The following NCAM1 variants were observed in gnomAD, a reference collection of about 807,000 sequenced individuals.
NCAM1 encodes neural cell adhesion molecule 1, also known as antigen recognized by monoclonal antibody 5.1H11.
In NCAM1, 14 loss-of-function variants were observed where a neutral mutation model predicts 109.8. That is an observed-to-expected ratio of 0.13 (90% CI 0.08 to 0.20). NCAM1 has a LOEUF of 0.20. Ranked by LOEUF, NCAM1 falls within the 10% of genes least tolerant of loss-of-function variation. The pLI is 1.00. For synonymous variants in NCAM1, 418 were observed against 442.9 expected (o/e 0.94, Z 0.70); for missense variants, 774 against 1,109.9 (o/e 0.70, Z 4.30).
At position 113,233,175 on chromosome 11, in the gene NCAM1, G is replaced by T; in HGVS notation, c.1551G>T (p.Gln517His). The T allele has an allele frequency of 6.2e-7, 1 of 1,613,664 alleles. No individual in the cohort carries two copies. Among genetic ancestry groups the T allele is most frequent in the South Asian group, 1.1e-5 (1 of 91,022 alleles). Residue 517 changes from glutamine to histidine, a missense_variant, in exon 13 of 20, where the codon CAG (glutamine) becomes CAT (histidine). By Grantham distance (24) the Gln-to-His change is conservative. This residue lies in a region of NCAM1 where 523 missense variants were observed against 784.2 expected (regional missense o/e 0.67). Transcript: ENST00000316851. The surrounding 1 kb of genome is among the most constrained non-coding windows in gnomAD (Gnocchi z 4.5). Reference sequence around the variant, plus strand: ...CCCCCTCTTCACCATCCATCGACCAGGTGGAGCCATACTCCAGCACAGCCC... The same window carrying T: ...CCCCCTCTTCACCATCCATCGACCATGTGGAGCCATACTCCAGCACAGCCC... ...ADTPSSPSIDQVEPYSSTAQV... is the reference protein window; with the variant it reads ...ADTPSSPSIDHVEPYSSTAQV...
intron 1 of NCAM1, among the ~76,000 whole-genome samples, chr11:113,179,060 T>C (rs1943254451): frequency 6.6e-6 from 1 of 152,198 alleles, no homozygotes; most frequent in African/African-American, 2.4e-5. Context: ...TAATACCATG[T>C]TGGTAGCTTG....
intron 1 of NCAM1, among the ~76,000 whole-genome samples, chr11:113,064,549 T>A (rs1326189695): frequency 1.3e-5 from 2 of 152,254 alleles, no homozygotes; most frequent in Admixed American, 1.3e-4. Context: ...TTATTGCATG[T>A]TAGATTCTGT....
At chr11:113,184,145 A>G (rs1749256980) in intron 1 of NCAM1, among the ~76,000 whole-genome samples, 1 of 152,220 alleles carries the variant, frequency 6.6e-6, no homozygotes, top group African/African-American at 2.4e-5. Flanking sequence ...AAATCAATCA[A>G]CAAGCATAGA....
At chr11:112,998,830 G>A (rs1001991820) in intron 1 of NCAM1, among the ~76,000 whole-genome samples, 6 of 152,024 alleles carry the variant, frequency 3.9e-5, no homozygotes, top group Non-Finnish European at 5.9e-5. Context: ...TACTTTCAGG[G>A]GAATTTCTCC....
chr11:113,262,924 A>G (rs2137682916), intron 17 of NCAM1: 3 of 1,613,658 alleles, frequency 1.9e-6, no homozygotes, highest in Admixed American at 3.3e-5. Context: ...TTGCTCTGTT[A>G]GGAACTTGAA....
chr11:113,199,489 T>C (rs1555111436), intron 1 of NCAM1, among the ~76,000 whole-genome samples: 1 of 152,088 alleles, frequency 6.6e-6, no homozygotes, highest in African/African-American at 2.4e-5. Context: ...CTGGGGTTCC[T>C]CTGGGCCAGC....
chr11:112,965,740 T>C (rs1432294807), intron 1 of NCAM1, among the ~76,000 whole-genome samples: 2 of 152,242 alleles, frequency 1.3e-5, no homozygotes, highest in Non-Finnish European at 2.9e-5. Flanking sequence ...GAACTGTGGC[T>C]GCTCTCCAGA....
chr11:113,265,280 G>C (rs1285855763), intron 17 of NCAM1: 1 of 460,742 alleles, frequency 2.2e-6, no homozygotes, highest in Non-Finnish European at 2.8e-6. Context: ...TCATGTACCT[G>C]GATAGACTAT....
rs61902795 is a variant in NCAM1, at chr11:113,025,255, G to A, written c.52+63591G>A. ...TGGACATTTTATGAAATAGAAAATG[G>A]AAACAAGGTCTTGCTCATGTGTTGG... On this transcript the variant is annotated intron_variant, in intron 1 of 19. Coordinates refer to ENST00000316851, the MANE Select transcript of NCAM1 (RefSeq NM_181351.5). Among the ~76,000 whole-genome samples the A allele has an allele frequency of 3.4e-3, 513 of 152,194 alleles. 1 individual carries two copies. The highest frequency in any genetic ancestry group is 6.8e-3 in the Middle Eastern group (2 of 292).
intron 9 of NCAM1, among the ~76,000 whole-genome samples, chr11:113,226,998 C>A (rs1208221106): frequency 8.8e-4 from 133 of 151,272 alleles, no homozygotes; most frequent in Non-Finnish European, 1.6e-4. Context: ...AAAATTGACA[C>A]CCTAACACCA....
rs1272668425 is a variant in NCAM1, at chr11:113,000,860, T to A, written c.52+39196T>A. The stretch of plus-strand genomic sequence containing the variant: ...TATATATATATATACACAAAAAATA[T>A]ATATATATATACACATACACGTATG... On this transcript the variant is annotated intron_variant, in intron 1 of 19. Transcript: ENST00000316851. Among the ~76,000 whole-genome samples the A allele has an allele frequency of 2.1e-3, 135 of 64,910 alleles. 1 individual carries two copies. Among genetic ancestry groups the A allele is most frequent in the Middle Eastern group, 0.016 (2 of 124 alleles). 42.6% of individuals were successfully genotyped at this position (64,910 alleles called of 152,430 possible).
chr11:112,976,747 A>C (rs1555067748), intron 1 of NCAM1, among the ~76,000 whole-genome samples: 2 of 151,946 alleles, frequency 1.3e-5, no homozygotes, highest in East Asian at 3.9e-4. Flanking sequence ...GTATTGATCT[A>C]TATATATTTT....
At position 112,974,663 on chromosome 11, in the gene NCAM1, G is replaced by T. The variant is rs567226196; in HGVS notation, c.52+12999G>T. On this transcript the variant is annotated intron_variant, in intron 1 of 19. Transcript: ENST00000316851. ...ATTTAATTCTCCTATTTTCAGTAGG[G>T]TGCTTCTGCCCTCAACAAAGTCTGG... Among the ~76,000 whole-genome samples, 8 of 152,050 alleles carry T rather than the reference G, an allele frequency of 5.3e-5. No homozygotes were observed. The South Asian group carries it at 1.5e-3, about 28-fold the overall frequency.
chr11:113,206,240 A>T (rs1944234465), intron 5 of NCAM1, 60 bp downstream of exon 5: 2 of 1,515,084 alleles, frequency 1.3e-6, no homozygotes, highest in East Asian at 2.3e-5. Flanking sequence ...CTCCAAAATC[A>T]TTCTCTTTAA....
At chr11:113,214,338 A>T (rs1451463727) in intron 7 of NCAM1, 31 bp from the exon 8 acceptor site, 2 of 1,610,398 alleles carry the variant, frequency 1.2e-6, no homozygotes, top group Middle Eastern at 1.7e-4. Context: ...CAATAATTAG[A>T]TAAACTCAGA....
chr11:113,056,811 A>G lies in NCAM1; in HGVS notation c.52+95147A>G, dbSNP rs550332928. On this transcript the variant is annotated intron_variant, in intron 1 of 19. Coordinates refer to ENST00000316851, the MANE Select transcript of NCAM1 (RefSeq NM_181351.5). ...TGTGTTTGGATTACTGACCCACAGT[A>G]ACTATAATACATTTGTTTTGTTTTT... is the stretch of plus-strand genomic sequence containing the variant. 9.8e-5 allele frequency among the ~76,000 whole-genome samples: 15 copies of G among 152,300 alleles called. No individual in the cohort carries two copies. In the East Asian group the frequency reaches 2.9e-3, roughly 29 times the overall value.
At chr11:113,165,435 T>C (rs1187692149) in intron 1 of NCAM1, among the ~76,000 whole-genome samples, 1 of 152,114 alleles carries the variant, frequency 6.6e-6, no homozygotes, top group African/African-American at 2.4e-5. Flanking sequence ...GGCCTTCTGC[T>C]TGTCTTACAA....
intron 16 of NCAM1, among the ~76,000 whole-genome samples, 199 bp downstream of exon 16, chr11:113,256,200 C>T (rs1282552182): frequency 6.6e-6 from 1 of 152,188 alleles, no homozygotes; most frequent in Non-Finnish European, 1.5e-5. Flanking sequence ...CACACTGGGT[C>T]CATTTGGAAA....
rs147252076 is a variant in NCAM1 at position 113,026,858 on chromosome 11, G to A, written c.52+65194G>A. Among the ~76,000 whole-genome samples the A allele has an allele frequency of 5.6e-3, 854 of 152,318 alleles. 8 individuals carry two copies. The highest frequency in any genetic ancestry group is 0.02 in the African/African-American group (817 of 41,564). On this transcript the variant is annotated intron_variant, in intron 1 of 19. Transcript: ENST00000316851. ...TATAGCTGGAAAACAGGCTCAGAGT[G>A]AGTAGGCAACTTACCTCATGCCAGA...
Sources: gnomAD v4.1 joint callset for allele counts (sites outside exome capture counted in the v4.1 genomes callset) on GRCh38, gnomAD v4.1.1 for gene constraint, gnomAD v4.1.1 regional missense constraint, Gnocchi (gnomAD v3.1) non-coding constraint, MANE v1.5 for transcripts, NCBI Gene and HGNC (gene_info 2026-07-23, HGNC 2026-07-21) for gene names.